Variants in MUS81 observed in about 807,000 individuals in gnomAD.
MUS81 encodes the protein structure-specific endonuclease subunit MUS81.
A neutral mutation model predicts 74.2 loss-of-function variants in MUS81; 69 were observed. That is an observed-to-expected ratio of 0.93 (90% confidence interval 0.77 to 1.14). The LOEUF (loss-of-function observed/expected upper bound fraction) is 1.14, where lower values mean the gene tolerates loss of function less well. MUS81 is among the 50% of genes most tolerant of loss of function. The pLI is 0.00. For synonymous variants in MUS81, 303 were observed against 300.6 expected (o/e 1.01, Z -0.08); for missense variants, 711 against 726.5 (o/e 0.98, Z 0.25).
chr11:65,862,401 G>A, intron 5 of MUS81, 43 bp from the exon 6 acceptor site: 2 of 1,593,964 alleles, frequency 1.3e-6, no homozygotes, highest in Non-Finnish European at 1.7e-6. Flanking sequence ...TGGACTTGTG[G>A]TGGTACCAGG....
Position 65,863,717 on chromosome 11 carries a change from C to T in MUS81, c.957C>T (p.Asp319=), listed in dbSNP as rs759906850. 7 of 1,614,010 alleles carry T rather than the reference C, an allele frequency of 4.3e-6. No individual in the cohort carries two copies. The highest frequency in any genetic ancestry group is 5.9e-6 in the Non-Finnish European group (7 of 1,179,948). ...VWVAQETNPR[D]PANPGELVLD... ...TGGCCCAGGAGACCAATCCTAGAGA[C>T]CCAGGTGAAGGGCCGTGGACAGGCT... The change falls in exon 9 of 16, where the codon GAC becomes GAT. Residue 319 remains aspartate, a synonymous_variant. Coordinates refer to ENST00000308110, the MANE Select transcript of MUS81 (RefSeq NM_025128.5).
chr11:65,860,985 C>T lies in MUS81; in HGVS notation c.148C>T (p.Leu50Phe), dbSNP rs999466708. ...RFVFQKALRS[L>F]RRYPLPLRSG... ...CCTGCCCGGCCAGGCGCTGCGTTCC[C>T]TCCGACGGTACCCACTGCCGCTGCG... Residue 50 changes from leucine (L) to phenylalanine (F), a missense_variant, in exon 2 of 16, where the codon CTC becomes TTC. By Grantham distance (22) the Leu-to-Phe change is conservative. Transcript: ENST00000308110. 6.2e-7 allele frequency: 1 copy of T among 1,612,126 alleles called. No individual in the cohort carries two copies.
At chr11:65,865,776 T>C in intron 14 of MUS81, 35 bp from the exon 15 acceptor site, 1 of 1,608,152 alleles carries the variant, frequency 6.2e-7, no homozygotes. Context: ...AGTGGGCCAC[T>C]GTCAGCCTCA....
chr11:65,860,333 G>T (rs766232417), upstream of MUS81: 3 of 468,166 alleles, frequency 6.4e-6, no homozygotes, highest in Admixed American at 2.3e-5. Flanking sequence ...CCAAGCTCAG[G>T]TTAGTCCGTT....
At chr11:65,860,166 C>G, upstream of MUS81, 1 of 439,298 alleles carries the variant, frequency 2.3e-6, no homozygotes, top group South Asian at 1.6e-5. Context: ...GTCCTCATCC[C>G]CGGCACCCAT....
Position 65,860,538 on chromosome 11 carries a change from C to T in MUS81, c.-216C>T, listed in dbSNP as rs1332054245. The T allele has an allele frequency of 1.6e-6, 1 of 629,452 alleles. No homozygotes were observed. The highest frequency in any genetic ancestry group is 2.8e-5 in the East Asian group (1 of 36,148). 39.0% of individuals were successfully genotyped at this position (629,452 alleles called of 1,614,324 possible). ...AGATCGTTAGAGACAGCGCCCCTGA[C>T]CAACCACTTAGAGCAGCGCAGGGGT... On this transcript the variant is annotated 5_prime_UTR_variant, in exon 1 of 16. Coordinates refer to ENST00000308110, the MANE Select transcript of MUS81 (RefSeq NM_025128.5).
In MUS81 at chr11:65,863,597, C is replaced by T; in HGVS notation, c.840-3C>T. On this transcript the variant is annotated splice_polypyrimidine_tract_variant and splice_region_variant and intron_variant, in intron 8 of 15. Coordinates refer to ENST00000308110, the MANE Select transcript of MUS81 (RefSeq NM_025128.5). Reference sequence around the variant, plus strand: ...ATCTAGGCTTCCCTCCTTGCCACTCCAGGGGCGGGCACAGGCCGGAGCTGC... The same window carrying T: ...ATCTAGGCTTCCCTCCTTGCCACTCTAGGGGCGGGCACAGGCCGGAGCTGC... 2 of 1,614,010 alleles carry T rather than the reference C, an allele frequency of 1.2e-6. No homozygotes were observed. Among genetic ancestry groups the T allele is most frequent in the Non-Finnish European group, 1.7e-6 (2 of 1,179,984 alleles).
rs372093756 is a variant in MUS81 at position 65,864,478 on chromosome 11, A to C, written c.1060-19A>C. The stretch of plus-strand genomic sequence containing the variant: ...TCATCCAGCCTGACCCTCCCTGTCC[A>C]CTCTGTACACTTCCCTAGTTCCGGC... On this transcript the variant is annotated intron_variant, in intron 10 of 15. Coordinates refer to ENST00000308110, the MANE Select transcript of MUS81 (RefSeq NM_025128.5). 3 of 1,606,740 alleles carry C rather than the reference A, an allele frequency of 1.9e-6. No individual in the cohort carries two copies. In the East Asian group the frequency reaches 6.7e-5, roughly 36 times the overall value.
At chr11:65,866,840 A>G (rs1445266175), downstream of MUS81, 1 of 1,563,548 alleles carries the variant, frequency 6.4e-7, no homozygotes, top group East Asian at 2.3e-5. Context: ...TTCTCCCTTT[A>G]TTGCCTTTCT....
intron 3 of MUS81, 26 bp from the exon 4 acceptor site, chr11:65,861,921 G>A (rs745743240): frequency 3.8e-6 from 6 of 1,577,054 alleles, no homozygotes; most frequent in Middle Eastern, 3.3e-4. Context: ...TGGCTTTCAT[G>A]TTCAGAACTC....
At position 65,865,798 on chromosome 11, in the gene MUS81, CCCTGCCCCCCAGCCT is replaced by C. The variant is rs1015509616; in HGVS notation, c.1506-8_1512del. Reference sequence around the variant, plus strand: ...CACTGTCAGCCTCAGAAACTCAAACCCCTGCCCCCCAGCCTCCTGGCCGCCTATGATGCCTGTGCC... The same window carrying C: ...CACTGTCAGCCTCAGAAACTCAAACCCCTGGCCGCCTATGATGCCTGTGCC... On this transcript the variant is annotated splice_acceptor_variant and splice_polypyrimidine_tract_variant and coding_sequence_variant and intron_variant, in exon 15 of 16. Transcript: ENST00000308110. LOFTEE classifies it high-confidence loss of function. The C allele has an allele frequency of 1.9e-6, 3 of 1,613,084 alleles. No homozygotes were observed. The African/African-American group carries it at 4.0e-5, about 22-fold the overall frequency.
intron 6 of MUS81, 133 bp from the exon 7 acceptor site, chr11:65,862,932 G>A: frequency 1.8e-6 from 2 of 1,110,984 alleles, no homozygotes; most frequent in Non-Finnish European, 2.7e-6. Flanking sequence ...AGACCAGGAG[G>A]AGCAGGAGCC....
chr11:65,862,329 C>CA, intron 5 of MUS81, 50 bp downstream of exon 5: 1 of 1,602,496 alleles, frequency 6.2e-7, no homozygotes. Context: ...TGGGGCCCAC[C>CA]AAAGACTGCC....
At chr11:65,863,566 G>C in intron 8 of MUS81, 34 bp from the exon 9 acceptor site, 1 of 1,613,962 alleles carries the variant, frequency 6.2e-7, no homozygotes, top group Non-Finnish European at 8.5e-7. Flanking sequence ...GCACTGCCCT[G>C]CTCTGATCTA....
At chr11:65,866,931 G>GC, downstream of MUS81, 1 of 1,614,102 alleles carries the variant, frequency 6.2e-7, no homozygotes, top group East Asian at 2.2e-5. Context: ...GAAGGTGTAG[G>GC]CCCCTACAAA....
chr11:65,866,718 C>CAT, downstream of MUS81: 1 of 739,748 alleles, frequency 1.4e-6, no homozygotes, highest in Non-Finnish European at 2.4e-6. Flanking sequence ...TGGGCCTGAA[C>CAT]ATATAGAGAC....
At position 65,864,925 on chromosome 11, in the gene MUS81, C is replaced by T. The variant is rs1859760753; in HGVS notation, c.1273-92C>T. ...CAAGGTGGGTGAGATCCCCATTTCT[C>T]AGGCTGGCCCCCCAAGGCTGAGGAC... On this transcript the variant is annotated intron_variant, in intron 12 of 15. Transcript: ENST00000308110. 5.7e-6 allele frequency: 9 copies of T among 1,583,396 alleles called. No individual in the cohort carries two copies. In the South Asian group the frequency reaches 7.9e-5, roughly 14 times the overall value.
chr11:65,860,308 GA>G (rs1296115806), upstream of MUS81: 3 of 461,122 alleles, frequency 6.5e-6, no homozygotes, highest in Non-Finnish European at 1.3e-5. Flanking sequence ...ACAATCTTAA[GA>G]GACCTTAGAG....
downstream of MUS81, chr11:65,867,021 T>C: frequency 6.2e-7 from 1 of 1,614,120 alleles, no homozygotes; most frequent in Non-Finnish European, 8.5e-7. Context: ...CAGCACGTAC[T>C]CCCGGGGGCC....
Sources: allele counts gnomAD v4.1 joint callset, GRCh38; gene constraint gnomAD v4.1.1; transcripts MANE v1.5; gene names NCBI Gene and HGNC (gene_info 2026-07-23, HGNC 2026-07-21).